Variants in PLD5 observed in about 807,000 individuals in gnomAD.
The protein encoded by PLD5 is inactive phospholipase D5.
Under a neutral mutation model 61.1 loss-of-function variants are expected in PLD5, and 36 were observed. The observed-to-expected ratio is 0.59, with a 90% CI of 0.45 to 0.78. The LOEUF (loss-of-function observed/expected upper bound fraction) is 0.78. Ranked by LOEUF, PLD5 falls within the 30% of genes least tolerant of loss-of-function variation. The pLI is 0.00. For synonymous variants in PLD5, 243 were observed against 242.8 expected (o/e 1.00, Z -0.01); for missense variants, 515 against 644.4 (o/e 0.80, Z 2.17).
At chr1:242,175,180 A>T (rs936279651) in intron 5 of PLD5, among the ~76,000 whole-genome samples, 1 of 152,228 alleles carries the variant, frequency 6.6e-6, no homozygotes, top group African/African-American at 2.4e-5. Flanking sequence ...ATCCCTGATG[A>T]ACATGGATGT....
At chr1:242,138,389 C>A (rs1212095301) in intron 5 of PLD5, among the ~76,000 whole-genome samples, 2 of 151,486 alleles carry the variant, frequency 1.3e-5, no homozygotes, top group African/African-American at 2.4e-5. Flanking sequence ...GGAAATAGCA[C>A]CAACATTCTG....
intron 1 of PLD5, among the ~76,000 whole-genome samples, chr1:242,423,581 C>T (rs1665260178): frequency 6.6e-6 from 1 of 152,126 alleles, no homozygotes; most frequent in Non-Finnish European, 1.5e-5. Context: ...GTAGGAGGAT[C>T]ACTCAAGCCC....
At chr1:242,126,784 T>C (rs1662819370) in intron 5 of PLD5, among the ~76,000 whole-genome samples, 2 of 151,932 alleles carry the variant, frequency 1.3e-5, no homozygotes, top group Non-Finnish European at 2.9e-5. Context: ...CAAAAGCAAA[T>C]GCAATAAAAA....
At chr1:242,243,257 G>C (rs1290493113) in intron 4 of PLD5, among the ~76,000 whole-genome samples, 1 of 152,234 alleles carries the variant, frequency 6.6e-6, no homozygotes, top group Admixed American at 6.5e-5. Flanking sequence ...AGTTTAAAGA[G>C]AGTCCGGCCA....
rs1347426601 is a variant in PLD5 at position 242,394,823 on chromosome 1, C to CGTGT, written c.190-46582_190-46581insACAC. On this transcript the variant is annotated intron_variant, in intron 1 of 9. Coordinates refer to ENST00000536534, the MANE Select transcript of PLD5 (RefSeq NM_001372062.1). Reference sequence around the variant, plus strand: ...ATGTGTATATATGTGAATATATATACATATATGTGAATATATATACATATG... The same window carrying CGTGT: ...ATGTGTATATATGTGAATATATATACGTGTATATATGTGAATATATATACATATG... Among the ~76,000 whole-genome samples the CGTGT allele has an allele frequency of 6.7e-5, 7 of 104,472 alleles. 2 individuals are homozygous for CGTGT. The highest frequency in any genetic ancestry group is 1.1e-4 in the Admixed American group (1 of 9,100). The allele number at this position is 104,472 out of a possible 152,430, so 68.5% of individuals were successfully genotyped here.
chr1:242,104,820 G>A (rs934965180), intron 8 of PLD5, among the ~76,000 whole-genome samples: 2 of 152,194 alleles, frequency 1.3e-5, no homozygotes, highest in East Asian at 3.8e-4. Flanking sequence ...ATGTCTGGCT[G>A]TGTGGTTATG....
chr1:242,296,725 G>A (rs1317847387), intron 2 of PLD5, among the ~76,000 whole-genome samples: 1 of 151,840 alleles, frequency 6.6e-6, no homozygotes, highest in Non-Finnish European at 1.5e-5. Context: ...TTTTTTTTTA[G>A]AGATGGGGTC....
chr1:242,485,883 C>T (rs1161204842), intron 1 of PLD5, among the ~76,000 whole-genome samples: 1 of 151,892 alleles, frequency 6.6e-6, no homozygotes, highest in East Asian at 1.9e-4. Flanking sequence ...ACCAATAGAA[C>T]AGAACAGAGA....
chr1:242,468,913 T>C (rs927305314), intron 1 of PLD5, among the ~76,000 whole-genome samples: 1 of 152,122 alleles, frequency 6.6e-6, no homozygotes, highest in Non-Finnish European at 1.5e-5. Flanking sequence ...TCTTATCCCC[T>C]TTACTGATGA....
At chr1:242,155,214 TG>T (rs1665259556) in intron 5 of PLD5, among the ~76,000 whole-genome samples, 1 of 152,072 alleles carries the variant, frequency 6.6e-6, no homozygotes, top group Non-Finnish European at 1.5e-5. Context: ...TAATTTTTTT[TG>T]TGTGTCTATT....
intron 1 of PLD5, among the ~76,000 whole-genome samples, chr1:242,450,567 T>G (rs190205286): frequency 6.6e-6 from 1 of 152,164 alleles, no homozygotes; most frequent in Non-Finnish European, 1.5e-5. Context: ...TCTTGTATGG[T>G]TAGGCCTAGA....
chr1:242,331,014 T>C (rs754393526), intron 2 of PLD5, among the ~76,000 whole-genome samples: 16 of 152,220 alleles, frequency 1.1e-4, no homozygotes, highest in Non-Finnish European at 1.9e-4. Flanking sequence ...TTTCATCCTT[T>C]AACCTGGTTT....
intron 1 of PLD5, among the ~76,000 whole-genome samples, chr1:242,469,252 T>C (rs1667368510): frequency 6.6e-6 from 1 of 152,236 alleles, no homozygotes; most frequent in Non-Finnish European, 1.5e-5. Flanking sequence ...AGAGAAGCTG[T>C]GCCTACATTC....
intron 5 of PLD5, among the ~76,000 whole-genome samples, chr1:242,188,163 T>G (rs1262410199): frequency 6.6e-6 from 1 of 152,144 alleles, no homozygotes; most frequent in Non-Finnish European, 1.5e-5. Context: ...AGACTAAATA[T>G]TCATCAGTTA....
chr1:242,310,041 TC>T (rs1170461429), intron 2 of PLD5, among the ~76,000 whole-genome samples: 1 of 104,272 alleles, frequency 9.6e-6, no homozygotes, highest in Admixed American at 1.2e-4. Context: ...GGTTGCAGGA[TC>T]AACAGGACCA....
chr1:242,390,632 C>A (rs1662872986), intron 1 of PLD5, among the ~76,000 whole-genome samples: 2 of 151,992 alleles, frequency 1.3e-5, no homozygotes, highest in Non-Finnish European at 2.9e-5. Context: ...GCTAAAGCAA[C>A]AGAATAAAAA....
intron 5 of PLD5, among the ~76,000 whole-genome samples, chr1:242,160,996 A>C (rs1448041284): frequency 1.4e-4 from 19 of 132,610 alleles, no homozygotes; most frequent in African/African-American, 5.2e-4. Context: ...CAATGGCAGC[A>C]TATGGGGACT....
intron 1 of PLD5, among the ~76,000 whole-genome samples, chr1:242,478,352 T>C (rs777720056): frequency 6.6e-6 from 1 of 152,038 alleles, no homozygotes; most frequent in Non-Finnish European, 1.5e-5. Flanking sequence ...GCCTAGAAAT[T>C]CCAAAGACCT....
At chr1:242,497,381 T>C (rs1235584215) in intron 1 of PLD5, among the ~76,000 whole-genome samples, 1 of 152,186 alleles carries the variant, frequency 6.6e-6, no homozygotes, top group African/African-American at 2.4e-5. Flanking sequence ...TTTATGTTAA[T>C]AAAGGAAAAA....
Sources: allele counts gnomAD v4.1 joint callset (sites outside exome capture counted in the v4.1 genomes callset), GRCh38; gene constraint gnomAD v4.1.1; transcripts MANE v1.5; gene names NCBI Gene and HGNC (gene_info 2026-07-23, HGNC 2026-07-21).